Variants in NRXN1 observed in about 807,000 individuals in gnomAD.
NRXN1 encodes the protein neurexin-1.
In NRXN1, 39 loss-of-function variants were observed where a neutral mutation model predicts 150.9. That is an observed-to-expected ratio of 0.26 (90% CI 0.20 to 0.34). The LOEUF is 0.34. NRXN1 is among the 10% of genes least tolerant of loss of function. The pLI is 1.00. For missense variants in NRXN1, 1,815 were observed against 1,949.9 expected (o/e 0.93, Z 1.30); for synonymous variants, 924 against 757.0 (o/e 1.22, Z -3.62).
intron 8 of NRXN1, among the ~76,000 whole-genome samples, chr2:50,567,958 T>C (rs183373248): frequency 8.5e-4 from 130 of 152,244 alleles, no homozygotes; most frequent in African/African-American, 3.1e-3. Context: ...ATACAATGTC[T>C]GTGGAGCTGT....
chr2:50,253,208 T>C (rs1387870120), intron 17 of NRXN1, among the ~76,000 whole-genome samples: 1 of 152,146 alleles, frequency 6.6e-6, no homozygotes, highest in Non-Finnish European at 1.5e-5. Context: ...TTTGACTCTC[T>C]CCTTGTCTAT....
chr2:50,621,135 T>G, intron 7 of NRXN1, 91 bp downstream of exon 7: 1 of 1,148,734 alleles, frequency 8.7e-7, no homozygotes, highest in South Asian at 1.6e-5. Context: ...GTTAATGATG[T>G]CTACAGTTAA....
Position 50,984,667 on chromosome 2 carries a change from T to C in NRXN1, c.772+42835A>G, listed in dbSNP as rs1288826887. Among the ~76,000 whole-genome samples, 6 of 152,236 alleles carry C rather than the reference T, an allele frequency of 3.9e-5. No homozygotes were observed. In the East Asian group the frequency reaches 9.7e-4, roughly 25 times the overall value. On this transcript the variant is annotated intron_variant, in intron 2 of 22. Transcript: ENST00000401669. ...TTCATCAAATCTGAATCAAACAGTCTGTATTAAAAGTGAAAAGTATATTGC... is the reference window on the plus strand; with the variant it reads ...TTCATCAAATCTGAATCAAACAGTCCGTATTAAAAGTGAAAAGTATATTGC...
At chr2:50,546,522 C>G (rs2093497486) in intron 9 of NRXN1, among the ~76,000 whole-genome samples, 1 of 152,008 alleles carries the variant, frequency 6.6e-6, no homozygotes, top group Non-Finnish European at 1.5e-5. Context: ...CCATATTAAA[C>G]AGATAGCCTG....
intron 18 of NRXN1, among the ~76,000 whole-genome samples, chr2:50,170,062 G>A (rs962925403): frequency 6.6e-6 from 1 of 151,682 alleles, no homozygotes; most frequent in Non-Finnish European, 1.5e-5. Flanking sequence ...TTTTAAGCAT[G>A]TATTTTACTT....
chr2:50,791,983 G>T (rs937228878), intron 5 of NRXN1, among the ~76,000 whole-genome samples: 1 of 152,102 alleles, frequency 6.6e-6, no homozygotes, highest in Non-Finnish European at 1.5e-5. Context: ...TGAGATGTGC[G>T]TGGGCATTAT....
At chr2:50,000,714 T>G (rs1464739497) in intron 21 of NRXN1, among the ~76,000 whole-genome samples, 3 of 152,168 alleles carry the variant, frequency 2.0e-5, no homozygotes, top group African/African-American at 7.2e-5. Flanking sequence ...GATATCAATG[T>G]GGTGAAAAGT....
chr2:50,426,258 T>C (rs951734747), intron 17 of NRXN1, among the ~76,000 whole-genome samples: 2 of 152,170 alleles, frequency 1.3e-5, no homozygotes, highest in African/African-American at 4.8e-5. Flanking sequence ...TGCCACCAAT[T>C]GTGTTTCTTA....
chr2:50,308,091 TTTG>T (rs899789004), intron 17 of NRXN1, among the ~76,000 whole-genome samples: 73 of 152,230 alleles, frequency 4.8e-4, no homozygotes, highest in African/African-American at 1.6e-3. Flanking sequence ...GTTACCTTTT[TTTG>T]TTGTTGTTGT....
intron 18 of NRXN1, among the ~76,000 whole-genome samples, chr2:50,166,646 T>C (rs1042438425): frequency 2.0e-5 from 3 of 152,134 alleles, no homozygotes; most frequent in African/African-American, 4.8e-5. Context: ...TATTTAGTGA[T>C]TGAAAACTGA....
At chr2:50,995,094 A>C (rs983280886) in intron 2 of NRXN1, among the ~76,000 whole-genome samples, 3 of 151,968 alleles carry the variant, frequency 2.0e-5, no homozygotes, top group Non-Finnish European at 4.4e-5. Flanking sequence ...TTATCAACCA[A>C]TATGTTGCTT....
chr2:49,974,205 G>A (rs1195517152), intron 21 of NRXN1: 2 of 699,732 alleles, frequency 2.9e-6, no homozygotes, highest in Admixed American at 2.0e-5. Context: ...CACAGAAAAC[G>A]CTCTGTCAGT....
chr2:50,882,933 T>C (rs1314213474), intron 5 of NRXN1, among the ~76,000 whole-genome samples: 3 of 151,872 alleles, frequency 2.0e-5, no homozygotes, highest in African/African-American at 7.2e-5. Context: ...AAAACATATA[T>C]ATTTTTATAA....
intron 12 of NRXN1, among the ~76,000 whole-genome samples, chr2:50,525,565 A>T (rs551002392): frequency 1.3e-5 from 2 of 152,334 alleles, no homozygotes; most frequent in East Asian, 3.9e-4. Flanking sequence ...AATTGTAGAT[A>T]AACATATTTT....
At chr2:50,876,104 T>C (rs191816896) in intron 5 of NRXN1, among the ~76,000 whole-genome samples, 3 of 151,868 alleles carry the variant, frequency 2.0e-5, no homozygotes. Context: ...CCCTCCTGGA[T>C]TGTAACTATT....
rs527873753 is a variant in NRXN1, at chr2:49,982,156, A to T, written c.4129-38365T>A. Among the ~76,000 whole-genome samples, 36 of 152,196 alleles carry T rather than the reference A, an allele frequency of 2.4e-4. 1 individual carries two copies. In the South Asian group the frequency reaches 7.3e-3, roughly 31 times the overall value. ...GTCATCCAATTCAATTATTAAACAC[A>T]ATGTCTTTCATTTGGAGAGATAGAA... On this transcript the variant is annotated intron_variant, in intron 21 of 22. Transcript: ENST00000401669.
intron 21 of NRXN1, among the ~76,000 whole-genome samples, chr2:49,991,692 A>C (rs1467849295): frequency 6.6e-6 from 1 of 152,232 alleles, no homozygotes; most frequent in African/African-American, 2.4e-5. Flanking sequence ...CTTCAATGCA[A>C]TCCCAATCAA....
intron 5 of NRXN1, among the ~76,000 whole-genome samples, chr2:50,829,997 TGGAAAAAAA>T (rs1671163809): frequency 4.0e-5 from 1 of 24,808 alleles, no homozygotes; most frequent in Non-Finnish European, 6.1e-5. Context: ...TACTGCCTGC[TGGAAAAAAA>T]AAAAAAAAAA....
intron 18 of NRXN1, among the ~76,000 whole-genome samples, chr2:50,171,436 C>G (rs2060026726): frequency 6.6e-6 from 1 of 152,036 alleles, no homozygotes; most frequent in South Asian, 2.1e-4. Context: ...CATTAATGAG[C>G]TATAATACTG....
Sources: gnomAD v4.1 joint callset for allele counts (sites outside exome capture counted in the v4.1 genomes callset) on GRCh38, gnomAD v4.1.1 for gene constraint, MANE v1.5 for transcripts, NCBI Gene and HGNC (gene_info 2026-07-23, HGNC 2026-07-21) for gene names.